KIAA0586: variants seen among roughly 807,000 people sequenced by gnomAD.
KIAA0586 encodes protein TALPID3.
KIAA0586 carries 144 observed loss-of-function variants against 169.8 expected under a neutral mutation model. The observed-to-expected ratio is 0.85, with a 90% CI of 0.74 to 0.97. The LOEUF (loss-of-function observed/expected upper bound fraction) is 0.97, where lower values mean the gene tolerates loss of function less well. Ranked by LOEUF, KIAA0586 falls within the 50% of genes least tolerant of loss-of-function variation. KIAA0586 has a pLI of 0.00. For missense variants in KIAA0586, 1,854 were observed against 1,823.0 expected, an observed-to-expected ratio of 1.02 and a Z score of -0.31; for synonymous variants, 625 against 612.4, an observed-to-expected ratio of 1.02 and a Z score of -0.30.
downstream of KIAA0586, among the ~76,000 whole-genome samples, chr14:58,551,853 C>T (rs535610473): frequency 9.9e-5 from 15 of 152,202 alleles, no homozygotes; most frequent in South Asian, 2.7e-3. Flanking sequence ...ATGTGAGTAA[C>T]TTGAACAATA....
intron 6 of KIAA0586, among the ~76,000 whole-genome samples, chr14:58,447,143 ATTAG>A (rs1458353162): frequency 2.0e-5 from 3 of 152,196 alleles, no homozygotes; most frequent in African/African-American, 7.2e-5. Flanking sequence ...TACTGGATAT[ATTAG>A]TTGTTCAGTA....
In KIAA0586 at chr14:58,488,624, A is replaced by G. The variant is rs1050852685; in HGVS notation, c.3531A>G (p.Val1177=). ...AAATATGTCTTTATTTTCTTAGTGTAATGTCTGTGGCTAAGGATGAAGAAC... is the reference window on the plus strand; with the variant it reads ...AAATATGTCTTTATTTTCTTAGTGTGATGTCTGTGGCTAAGGATGAAGAAC... ...PQEELHPRAI[V]MSVAKDEEPE... Residue 1177 remains valine, a synonymous_variant, in exon 24 of 31, where the codon GTA becomes GTG. Transcript: ENST00000652326. 6.2e-7 allele frequency: 1 copy of G among 1,613,762 alleles called. No homozygotes were observed. The highest frequency in any genetic ancestry group is 1.3e-5 in the African/African-American group (1 of 75,016).
At chr14:58,552,136 A>T (rs542373723), downstream of KIAA0586, among the ~76,000 whole-genome samples, 5 of 152,370 alleles carry the variant, frequency 3.3e-5, no homozygotes, top group African/African-American at 9.6e-5. Context: ...TCATTTGATC[A>T]TTAAACATCA....
chr14:58,500,675 C>A (rs189348384), intron 27 of KIAA0586, among the ~76,000 whole-genome samples: 5 of 149,764 alleles, frequency 3.3e-5, no homozygotes, highest in Admixed American at 2.7e-4. Context: ...GAGCCGAAAT[C>A]ACGCCACTGC....
chr14:58,547,755 G>A (rs1296833712), intron 30 of KIAA0586, 26 bp from the exon 31 acceptor site: 3 of 1,605,596 alleles, frequency 1.9e-6, no homozygotes, highest in South Asian at 2.2e-5. Flanking sequence ...CGCATGTTGA[G>A]CTGAATGAGC....
At chr14:58,496,189 G>A (rs1276862725) in intron 26 of KIAA0586, among the ~76,000 whole-genome samples, 1 of 152,214 alleles carries the variant, frequency 6.6e-6, no homozygotes. Context: ...CATATATGTA[G>A]ATGGGCTAGG....
At chr14:58,524,733 T>C (rs552286205) in intron 29 of KIAA0586, among the ~76,000 whole-genome samples, 10 of 152,348 alleles carry the variant, frequency 6.6e-5, no homozygotes, top group Non-Finnish European at 1.3e-4. Flanking sequence ...AGACATAAAA[T>C]ACACTTTTAC....
intron 20 of KIAA0586, among the ~76,000 whole-genome samples, chr14:58,481,867 G>A (rs2042049263): frequency 6.7e-6 from 1 of 149,434 alleles, no homozygotes; most frequent in Non-Finnish European, 1.5e-5. Context: ...AGGCTGGAGT[G>A]CAGTGGTGCG....
chr14:58,460,070 A>C lies in KIAA0586; in HGVS notation c.1884A>C (p.Glu628Asp). The C allele has an allele frequency of 6.9e-7, 1 of 1,453,542 alleles. No individual in the cohort carries two copies. The highest frequency in any genetic ancestry group is 2.5e-5 in the East Asian group (1 of 40,350). 90.0% of individuals were successfully genotyped at this position (1,453,542 alleles called of 1,614,324 possible). The change falls in exon 13 of 31, where the codon GAA becomes GAC. Residue 628 changes from glutamate to aspartate, a missense_variant and splice_region_variant. Coordinates refer to ENST00000652326, the MANE Select transcript of KIAA0586 (RefSeq NM_001329943.3). ...PASSLQKERK[E>D]GLLKATTVIQ... is the part of the protein sequence containing the mutation. ...CAAGTTTACAGAAAGAGAGAAAGGAAGTAAGATCCTAATCTGTTCTTTTAA... is the reference window on the plus strand; with the variant it reads ...CAAGTTTACAGAAAGAGAGAAAGGACGTAAGATCCTAATCTGTTCTTTTAA...
At chr14:58,455,409 T>C (rs1320940991) in intron 9 of KIAA0586, among the ~76,000 whole-genome samples, 1 of 152,226 alleles carries the variant, frequency 6.6e-6, no homozygotes, top group Non-Finnish European at 1.5e-5. Flanking sequence ...TAAATTTTTG[T>C]TGAAAACTGG....
At chr14:58,439,477 G>A (rs1167265012) in intron 4 of KIAA0586, among the ~76,000 whole-genome samples, 2 of 152,060 alleles carry the variant, frequency 1.3e-5, no homozygotes, top group African/African-American at 2.4e-5. Context: ...GTGAGCCACC[G>A]CGCCTGGCCA....
intron 17 of KIAA0586, among the ~76,000 whole-genome samples, chr14:58,471,220 A>C (rs936509452): frequency 2.6e-5 from 4 of 152,176 alleles, no homozygotes; most frequent in African/African-American, 9.6e-5. Context: ...ACTATTTGGA[A>C]AGTGATAATC....
intron 29 of KIAA0586, among the ~76,000 whole-genome samples, chr14:58,517,726 G>A (rs1040713550): frequency 6.6e-6 from 1 of 152,140 alleles, no homozygotes; most frequent in Non-Finnish European, 1.5e-5. Context: ...CAACCAAAAT[G>A]TCCTTCAACA....
chr14:58,524,602 C>T (rs915047975), intron 29 of KIAA0586, among the ~76,000 whole-genome samples: 4 of 152,180 alleles, frequency 2.6e-5, no homozygotes, highest in Admixed American at 2.0e-4. Flanking sequence ...ACTTTGGAGA[C>T]AAATTGCATG....
intron 27 of KIAA0586, among the ~76,000 whole-genome samples, chr14:58,502,888 G>T (rs950939291): frequency 2.0e-5 from 3 of 152,108 alleles, no homozygotes; most frequent in Non-Finnish European, 2.9e-5. Flanking sequence ...GATTGGTATT[G>T]CTTTTCGTCT....
chr14:58,454,110 C>T (rs1233881746), intron 9 of KIAA0586, among the ~76,000 whole-genome samples: 1 of 152,152 alleles, frequency 6.6e-6, no homozygotes, highest in Admixed American at 6.5e-5. Context: ...CACTGTTCCT[C>T]CCTTAGTGCC....
intron 4 of KIAA0586, among the ~76,000 whole-genome samples, chr14:58,438,023 C>T (rs1327978458): frequency 1.3e-5 from 2 of 152,034 alleles, no homozygotes; most frequent in Admixed American, 1.3e-4. Context: ...TATGCTGCTC[C>T]GAGGTAATGG....
chr14:58,463,889 G>C, intron 14 of KIAA0586: 1 of 304,612 alleles, frequency 3.3e-6, no homozygotes, highest in Non-Finnish European at 6.6e-6. Context: ...ATGTGAAGTG[G>C]AAGTGTAGGT....
At chr14:58,441,315 C>G (rs1566788175) in intron 4 of KIAA0586, 1 of 448,316 alleles carries the variant, frequency 2.2e-6, no homozygotes, top group Admixed American at 2.4e-5. Flanking sequence ...ATCCTCCCAC[C>G]TCAGCCTCCC....
Sources: allele counts gnomAD v4.1 joint callset (sites outside exome capture counted in the v4.1 genomes callset), GRCh38; gene constraint gnomAD v4.1.1; transcripts MANE v1.5; gene names NCBI Gene and HGNC (gene_info 2026-07-23, HGNC 2026-07-21).